The following PTPRD variants were observed in gnomAD, a reference collection of about 807,000 sequenced individuals.
PTPRD encodes the protein receptor-type tyrosine-protein phosphatase delta.
In PTPRD, 34 loss-of-function variants were observed where a neutral mutation model predicts 214.5. The observed-to-expected ratio is 0.16, with a 90% CI of 0.12 to 0.21. The LOEUF is 0.21. Among genes scored for constraint, PTPRD ranks in the 10% least tolerant of loss-of-function variants. The probability of loss-of-function intolerance (pLI) is 1.00; values close to 1 mark genes in which losing one functional copy is unlikely to be tolerated. For synonymous variants in PTPRD, 1,128 were observed against 845.7 expected, an observed-to-expected ratio of 1.33 and a Z score of -5.79; for missense variants, 2,545 against 2,398.7, an observed-to-expected ratio of 1.06 and a Z score of -1.27.
rs577298374 is a variant in PTPRD at position 10,097,647 on chromosome 9, A to T, written c.-544-63857T>A. On this transcript the variant is annotated intron_variant, in intron 3 of 45. Transcript: ENST00000381196. ...CTTAAGGAGATTTTGGGCTGAGACG[A>T]TGGGGTTTTCTAGATATACAATCAT... Among the ~76,000 whole-genome samples, 6 of 151,754 alleles carry T rather than the reference A, an allele frequency of 4.0e-5. No individual in the cohort carries two copies. The South Asian group carries it at 1.2e-3, about 32-fold the overall frequency.
At chr9:9,188,921 C>T (rs996314979) in intron 9 of PTPRD, among the ~76,000 whole-genome samples, 25 of 151,952 alleles carry the variant, frequency 1.6e-4, no homozygotes, top group Non-Finnish European at 2.4e-4. Flanking sequence ...AGTCTCTTTA[C>T]ACAGGAAAAT....
chr9:8,907,807 C>T (rs1194570311), intron 11 of PTPRD, among the ~76,000 whole-genome samples: 1 of 151,766 alleles, frequency 6.6e-6, no homozygotes, highest in Admixed American at 6.6e-5. Context: ...GCTCCAGGGA[C>T]CTGTGAGATA....
Position 8,528,800 on chromosome 9 carries a change from G to C in PTPRD, c.353-21C>G, listed in dbSNP as rs372067154. 11 of 1,609,956 alleles carry C rather than the reference G, an allele frequency of 6.8e-6. No homozygotes were observed. In the African/African-American group the frequency reaches 1.5e-4, roughly 22 times the overall value. On this transcript the variant is annotated intron_variant, in intron 14 of 45. Coordinates refer to ENST00000381196, the MANE Select transcript of PTPRD (RefSeq NM_002839.4). ...ATCTTCTGCAAGACAAAAGGTGATA[G>C]AAACATTCAGTTAATAAGTCAGATG...
At chr9:10,499,758 A>C (rs895978325) in intron 2 of PTPRD, among the ~76,000 whole-genome samples, 2 of 151,476 alleles carry the variant, frequency 1.3e-5, no homozygotes, top group Non-Finnish European at 3.0e-5. Context: ...CATGTCCCAC[A>C]TTAAGTTTCT....
At chr9:10,283,809 C>T (rs1273708720) in intron 3 of PTPRD, among the ~76,000 whole-genome samples, 2 of 152,160 alleles carry the variant, frequency 1.3e-5, no homozygotes, top group Non-Finnish European at 2.9e-5. Context: ...CTTTGCAACA[C>T]TACAGAATTT....
chr9:9,076,070 C>A (rs1484341755), intron 10 of PTPRD, among the ~76,000 whole-genome samples: 2 of 152,096 alleles, frequency 1.3e-5, no homozygotes, highest in Non-Finnish European at 2.9e-5. Flanking sequence ...TCTCCAGCAC[C>A]TGTTGTTTCC....
intron 14 of PTPRD, among the ~76,000 whole-genome samples, chr9:8,619,287 C>G (rs2095731178): frequency 6.6e-6 from 1 of 151,896 alleles, no homozygotes; most frequent in African/African-American, 2.4e-5. Flanking sequence ...TACAACAGTT[C>G]TCTTAAACTT....
At chr9:9,764,121 T>C (rs751934569) in intron 6 of PTPRD, among the ~76,000 whole-genome samples, 2 of 152,178 alleles carry the variant, frequency 1.3e-5, no homozygotes, top group Admixed American at 6.5e-5. Flanking sequence ...TGAAGGCAAA[T>C]AATGTATCTG....
At chr9:9,807,004 G>A (rs1485925382) in intron 5 of PTPRD, among the ~76,000 whole-genome samples, 1 of 152,056 alleles carries the variant, frequency 6.6e-6, no homozygotes, top group Non-Finnish European at 1.5e-5. Context: ...AAGACAATAT[G>A]TAAAAACCCC....
chr9:9,326,417 A>G (rs2039923111), intron 9 of PTPRD, among the ~76,000 whole-genome samples: 1 of 152,176 alleles, frequency 6.6e-6, no homozygotes, highest in African/African-American at 2.4e-5. Flanking sequence ...GTTGCTGTGC[A>G]TATAACTCTA....
At chr9:10,457,078 T>TTAA (rs113687598) in intron 2 of PTPRD, among the ~76,000 whole-genome samples, 1,817 of 152,070 alleles carry the variant, frequency 0.012, 33 homozygotes, top group African/African-American at 0.039. Flanking sequence ...CATTGTTTTA[T>TTAA]TAACTTTTTT....
rs537870119 is a variant in PTPRD at position 9,507,639 on chromosome 9, T to C, written c.-237+67093A>G. Among the ~76,000 whole-genome samples the C allele has an allele frequency of 1.7e-3, 259 of 151,616 alleles. 1 individual carries two copies. The highest frequency in any genetic ancestry group is 2.9e-3 in the Non-Finnish European group (199 of 67,616). Reference sequence around the variant, plus strand: ...TATTGCAATCAGTCTTGTGATTCTATTGAATTGTGAACTAAAAATAATTAT... The same window carrying C: ...TATTGCAATCAGTCTTGTGATTCTACTGAATTGTGAACTAAAAATAATTAT... On this transcript the variant is annotated intron_variant, in intron 8 of 45. Transcript: ENST00000381196.
At chr9:9,536,362 A>G (rs2076523329) in intron 8 of PTPRD, among the ~76,000 whole-genome samples, 1 of 151,976 alleles carries the variant, frequency 6.6e-6, no homozygotes, top group South Asian at 2.1e-4. Context: ...TTCAAGTTGT[A>G]AGATTCTTTC....
chr9:8,361,134 T>C (rs181140000), intron 39 of PTPRD, among the ~76,000 whole-genome samples: 2 of 152,336 alleles, frequency 1.3e-5, no homozygotes, highest in Admixed American at 1.3e-4. Flanking sequence ...TACGGATTTG[T>C]AAAACTTAGA....
chr9:9,519,030 G>T (rs1301390116), intron 8 of PTPRD, among the ~76,000 whole-genome samples: 1 of 151,894 alleles, frequency 6.6e-6, no homozygotes, highest in Non-Finnish European at 1.5e-5. Flanking sequence ...ATTACAGTAT[G>T]TTAATCTAGA....
At chr9:9,107,358 G>A (rs868703044) in intron 10 of PTPRD, among the ~76,000 whole-genome samples, 1 of 152,186 alleles carries the variant, frequency 6.6e-6, no homozygotes, top group Non-Finnish European at 1.5e-5. Context: ...TACCGAACAA[G>A]CTGCATGCTT....
intron 11 of PTPRD, among the ~76,000 whole-genome samples, chr9:8,995,950 C>A (rs1322109253): frequency 6.6e-6 from 1 of 151,968 alleles, no homozygotes; most frequent in Non-Finnish European, 1.5e-5. Context: ...AATAAATGAT[C>A]ATAAGGAGTT....
At chr9:8,682,139 C>T (rs1168578594) in intron 12 of PTPRD, among the ~76,000 whole-genome samples, 1 of 152,142 alleles carries the variant, frequency 6.6e-6, no homozygotes, top group African/African-American at 2.4e-5. Context: ...GCTAACCACA[C>T]AATGTGCAGA....
intron 11 of PTPRD, among the ~76,000 whole-genome samples, chr9:8,933,300 G>C (rs1040278959): frequency 7.2e-6 from 1 of 138,272 alleles, no homozygotes; most frequent in African/African-American, 2.7e-5. Context: ...GCAGACCAGA[G>C]CTGTTCCTAT....
Sources: allele counts gnomAD v4.1 joint callset (sites outside exome capture counted in the v4.1 genomes callset), GRCh38; gene constraint gnomAD v4.1.1; transcripts MANE v1.5; gene names NCBI Gene and HGNC (gene_info 2026-07-23, HGNC 2026-07-21).